Variants in KIF16B observed in about 807,000 individuals in gnomAD.
KIF16B encodes kinesin-like protein KIF16B.
A neutral mutation model predicts 156.3 loss-of-function variants in KIF16B; 98 were observed. That is an observed-to-expected ratio of 0.63 (90% CI 0.53 to 0.74). The LOEUF is 0.74. Ranked by LOEUF, KIF16B falls within the 30% of genes least tolerant of loss-of-function variation. KIF16B has a pLI of 0.00. For missense variants in KIF16B, 1,421 were observed against 1,606.5 expected (o/e 0.88, Z 1.97); for synonymous variants, 564 against 583.7 (o/e 0.97, Z 0.49).
intron 12 of KIF16B, among the ~76,000 whole-genome samples, chr20:16,442,263 T>A (rs963509738): frequency 1.3e-5 from 2 of 151,994 alleles, no homozygotes; most frequent in African/African-American, 4.8e-5. Flanking sequence ...GGATGCTAGG[T>A]GTTCTCACCA....
At chr20:16,321,351 T>C (rs1055994372) in intron 24 of KIF16B, among the ~76,000 whole-genome samples, 3 of 152,076 alleles carry the variant, frequency 2.0e-5, no homozygotes, top group African/African-American at 7.2e-5. Flanking sequence ...ATTAACACCA[T>C]ATGTCTTTTT....
At chr20:16,434,605 T>A (rs891624949) in intron 12 of KIF16B, among the ~76,000 whole-genome samples, 1 of 152,218 alleles carries the variant, frequency 6.6e-6, no homozygotes, top group Non-Finnish European at 1.5e-5. Context: ...AATTAAGATC[T>A]CTTTAGGAAT....
chr20:16,506,176 A>T lies in KIF16B; in HGVS notation c.714T>A (p.Ser238=). The T allele has an allele frequency of 6.2e-7, 1 of 1,614,146 alleles. No individual in the cohort carries two copies. The highest frequency in any genetic ancestry group is 1.3e-5 in the African/African-American group (1 of 75,062). ...TACTGACGGTTTCACATGGCATTTC[A>T]GAATCAAATTTAGCCTGTGGTAAAA... is the stretch of plus-strand genomic sequence containing the variant. The part of the protein sequence containing the change: ...TIKFTQAKFD[S]EMPCETVSKI... The change falls in exon 8 of 26, where the codon TCT becomes TCA. Residue 238 remains serine (S), a synonymous_variant. Coordinates refer to ENST00000354981, the MANE Select transcript of KIF16B (RefSeq NM_024704.5).
At chr20:16,406,347 CCCT>C in intron 16 of KIF16B, 24 bp downstream of exon 16, 1 of 1,599,680 alleles carries the variant, frequency 6.3e-7, no homozygotes, top group South Asian at 1.1e-5. Flanking sequence ...ATCAGTGGTT[CCCT>C]CCTAGAGACG....
chr20:16,520,319 C>G (rs2069297419), intron 3 of KIF16B, among the ~76,000 whole-genome samples: 4 of 152,112 alleles, frequency 2.6e-5, no homozygotes, highest in Admixed American at 2.6e-4. Flanking sequence ...TGAAGTGGAC[C>G]TGGGATGCTT....
At chr20:16,367,251 T>C in intron 22 of KIF16B, 9 of 1,612,814 alleles carry the variant, frequency 5.6e-6, no homozygotes, top group Non-Finnish European at 7.6e-6. Context: ...GAAGATACAA[T>C]GGGGTGGTGA....
At position 16,555,858 on chromosome 20, in the gene KIF16B, G is replaced by A. The variant is rs142539170; in HGVS notation, c.47+17371C>T. On this transcript the variant is annotated intron_variant, in intron 1 of 25. Transcript: ENST00000354981. ...AAAGACAATCAAATCAGTTTCATGA[G>A]CACTTAGGCTCTAGAGAAGGAGGAA... Among the ~76,000 whole-genome samples the A allele has an allele frequency of 5.9e-5, 9 of 152,284 alleles. No homozygotes were observed. In the East Asian group the frequency reaches 1.5e-3, roughly 26 times the overall value.
At chr20:16,358,020 T>C (rs1401642088) in intron 22 of KIF16B, among the ~76,000 whole-genome samples, 1 of 152,230 alleles carries the variant, frequency 6.6e-6, no homozygotes, top group Admixed American at 6.5e-5. Flanking sequence ...CAGGCCTGTC[T>C]GAACTAAAAA....
At chr20:16,324,400 T>C (rs748953763) in intron 24 of KIF16B, among the ~76,000 whole-genome samples, 1 of 152,010 alleles carries the variant, frequency 6.6e-6, no homozygotes, top group East Asian at 1.9e-4. Context: ...AAACTCTCCA[T>C]AGGTATTTGA....
At chr20:16,371,109 A>T (rs1175254519) in intron 21 of KIF16B, among the ~76,000 whole-genome samples, 1 of 152,238 alleles carries the variant, frequency 6.6e-6, no homozygotes, top group Non-Finnish European at 1.5e-5. Context: ...AAAAGTTGTC[A>T]TAATTACAAA....
chr20:16,524,575 G>A (rs961279048), intron 3 of KIF16B, among the ~76,000 whole-genome samples: 7 of 152,204 alleles, frequency 4.6e-5, no homozygotes, highest in Non-Finnish European at 7.3e-5. Context: ...TACACTGTTA[G>A]TGGGAGTGTA....
intron 12 of KIF16B, among the ~76,000 whole-genome samples, chr20:16,447,313 G>T (rs556633920): frequency 1.3e-5 from 2 of 151,354 alleles, no homozygotes; most frequent in African/African-American, 4.8e-5. Flanking sequence ...AAAAAAAAAA[G>T]TTCCTTTTTT....
intron 12 of KIF16B, among the ~76,000 whole-genome samples, chr20:16,462,729 T>A (rs1388950906): frequency 6.6e-6 from 1 of 152,162 alleles, no homozygotes; most frequent in African/African-American, 2.4e-5. Flanking sequence ...CCAAAATCAT[T>A]GCTCTTCTAA....
chr20:16,480,777 T>A (rs1238203416), intron 12 of KIF16B, among the ~76,000 whole-genome samples: 2 of 152,240 alleles, frequency 1.3e-5, no homozygotes, highest in Non-Finnish European at 2.9e-5. Context: ...ACTTTGTGTA[T>A]GTTAAATCTC....
At chr20:16,279,245 C>T (rs936093377) in intron 25 of KIF16B, among the ~76,000 whole-genome samples, 2 of 152,160 alleles carry the variant, frequency 1.3e-5, no homozygotes, top group Admixed American at 6.5e-5. Context: ...TCTGGGTGGA[C>T]ACCTTACAGC....
chr20:16,404,834 G>A lies in KIF16B; in HGVS notation c.1763C>T (p.Ala588Val), dbSNP rs779020249. ...DLSKSRENLS[A>V]VMLYNPGLEF... ...TCACCCGGGGTTATACAACATGACT[G>A]CAGACAGGTTCTCACGGGACTTCGA... The change falls in exon 17 of 26, where the codon GCA becomes GTA. Residue 588 changes from alanine to valine, a missense_variant. Ala to Val is a moderately conservative substitution (Grantham distance 64). Transcript: ENST00000354981. 6.2e-7 allele frequency: 1 copy of A among 1,613,166 alleles called. No individual in the cohort carries two copies. Among genetic ancestry groups the A allele is most frequent in the South Asian group, 1.1e-5 (1 of 91,030 alleles).
At chr20:16,462,086 T>C (rs1239942965) in intron 12 of KIF16B, among the ~76,000 whole-genome samples, 1 of 152,056 alleles carries the variant, frequency 6.6e-6, no homozygotes, top group African/African-American at 2.4e-5. Flanking sequence ...CTGTCTCTAC[T>C]AAAAATTAGC....
At chr20:16,487,443 C>G (rs138616206) in intron 12 of KIF16B, among the ~76,000 whole-genome samples, 1 of 152,072 alleles carries the variant, frequency 6.6e-6, no homozygotes, top group Non-Finnish European at 1.5e-5. Context: ...GCCCCAGTTA[C>G]GAGAGCTGCT....
chr20:16,297,140 C>T lies in KIF16B; in HGVS notation c.3795+15195G>A, dbSNP rs145309128. 1.5e-4 allele frequency among the ~76,000 whole-genome samples: 23 copies of T among 152,312 alleles called. No individual in the cohort carries two copies. The South Asian group carries it at 3.9e-3, about 26-fold the overall frequency. Reference sequence around the variant, plus strand: ...CCCACTCAGATTGAAACTACACCATCGGCTTTCCTGGGTCTCCAGCTTGCC... The same window carrying T: ...CCCACTCAGATTGAAACTACACCATTGGCTTTCCTGGGTCTCCAGCTTGCC... On this transcript the variant is annotated intron_variant, in intron 25 of 25. Transcript: ENST00000354981.
Sources: gnomAD v4.1 joint callset for allele counts (sites outside exome capture counted in the v4.1 genomes callset) on GRCh38, gnomAD v4.1.1 for gene constraint, MANE v1.5 for transcripts, NCBI Gene and HGNC (gene_info 2026-07-23, HGNC 2026-07-21) for gene names.